The following VPS13A variants were observed in gnomAD, a reference collection of about 807,000 sequenced individuals.
VPS13A encodes the protein vacuolar protein sorting 13 homolog A.
VPS13A carries 264 observed loss-of-function variants against 390.9 expected under a neutral mutation model. That is an observed-to-expected ratio of 0.68 (90% CI 0.61 to 0.75). The LOEUF (loss-of-function observed/expected upper bound fraction) is 0.75, where lower values mean the gene tolerates loss of function less well. Ranked by LOEUF, VPS13A falls within the 30% of genes least tolerant of loss-of-function variation. The probability of loss-of-function intolerance (pLI) is 0.00; values close to 1 mark genes in which losing one functional copy is unlikely to be tolerated. For synonymous variants in VPS13A, 1,231 were observed against 1,227.1 expected, an observed-to-expected ratio of 1.00 and a Z score of -0.07; for missense variants, 3,409 against 3,733.9, an observed-to-expected ratio of 0.91 and a Z score of 2.27.
At chr9:77,336,737 C>A (rs547098246) in intron 46 of VPS13A, among the ~76,000 whole-genome samples, 1 of 149,826 alleles carries the variant, frequency 6.7e-6, no homozygotes, top group African/African-American at 2.4e-5. Context: ...GAAAAATATT[C>A]TCCTCTTAAA....
At chr9:77,399,186 A>AT (rs1563990823) in intron 68 of VPS13A, among the ~76,000 whole-genome samples, 4 of 118,462 alleles carry the variant, frequency 3.4e-5, no homozygotes, top group East Asian at 2.1e-4. Flanking sequence ...AAAAATAAAA[A>AT]AAAAAAAAAA....
At chr9:77,302,040 C>A (rs1027983990) in intron 33 of VPS13A, among the ~76,000 whole-genome samples, 2 of 151,914 alleles carry the variant, frequency 1.3e-5, no homozygotes, top group Admixed American at 6.6e-5. Context: ...TCAATGCAAC[C>A]TCCGCCTCCT....
At chr9:77,193,281 AC>A (rs1824790184) in intron 1 of VPS13A, among the ~76,000 whole-genome samples, 2 of 152,216 alleles carry the variant, frequency 1.3e-5, no homozygotes, top group Non-Finnish European at 2.9e-5. Flanking sequence ...TTGGGTTTCA[AC>A]TTTCTCCCGA....
At chr9:77,180,286 A>G (rs1823928785) in intron 1 of VPS13A, among the ~76,000 whole-genome samples, 1 of 152,268 alleles carries the variant, frequency 6.6e-6, no homozygotes, top group Non-Finnish European at 1.5e-5. Context: ...TTTGAGGAAC[A>G]GCCAAACTCT....
intron 22 of VPS13A, among the ~76,000 whole-genome samples, chr9:77,258,340 G>C (rs1184351560): frequency 6.6e-6 from 1 of 152,190 alleles, no homozygotes; most frequent in Non-Finnish European, 1.5e-5. Flanking sequence ...GAGGGAATTA[G>C]AGAGACTCTG....
intron 35 of VPS13A, among the ~76,000 whole-genome samples, chr9:77,310,959 T>C (rs1470979416): frequency 6.6e-6 from 1 of 151,762 alleles, no homozygotes; most frequent in Non-Finnish European, 1.5e-5. Context: ...AGAGTCTCGC[T>C]ATGTCACCCA....
chr9:77,200,959 TTGAA>T (rs1471025577), intron 2 of VPS13A, among the ~76,000 whole-genome samples: 9 of 152,278 alleles, frequency 5.9e-5, no homozygotes, highest in African/African-American at 1.7e-4. Flanking sequence ...AGGCTATTCT[TTGAA>T]TGGGGAGAAC....
chr9:77,260,031 C>T, intron 22 of VPS13A, 55 bp from the exon 23 acceptor site: 2 of 1,112,718 alleles, frequency 1.8e-6, no homozygotes, highest in Non-Finnish European at 1.3e-6. Context: ...TTAATTAGTG[C>T]ACTTAAATCA....
At chr9:77,207,211 TA>T (rs1825685430) in intron 5 of VPS13A, among the ~76,000 whole-genome samples, 1 of 32,550 alleles carries the variant, frequency 3.1e-5, no homozygotes, top group Non-Finnish European at 7.7e-5. Flanking sequence ...TTTATTTAGA[TA>T]TTATATATAT....
rs193026341 is a variant in VPS13A at position 77,337,682 on chromosome 9, A to T, written c.6378+145A>T. 65 of 766,212 alleles carry T rather than the reference A, an allele frequency of 8.5e-5. 1 individual carries two copies. In the East Asian group the frequency reaches 1.5e-3, roughly 18 times the overall value. The allele number at this position is 766,212 out of a possible 1,614,324, so 47.5% of individuals were successfully genotyped here. A position where few individuals can be genotyped will look rare whatever the true frequency, so the allele number is the denominator to read the frequency against. On this transcript the variant is annotated intron_variant, in intron 47 of 71. Coordinates refer to ENST00000360280, the MANE Select transcript of VPS13A (RefSeq NM_033305.3). ...TAGGTAATGCAGATATTCTTTTGCA[A>T]CAAGTATGAGAATTATTATTGAAAT... is the stretch of plus-strand genomic sequence containing the variant.
intron 34 of VPS13A, among the ~76,000 whole-genome samples, chr9:77,304,876 T>G (rs573098713): frequency 2.6e-5 from 4 of 152,254 alleles, no homozygotes; most frequent in African/African-American, 9.6e-5. Context: ...TCCCTTTCTA[T>G]TTCTTTCTGT....
At chr9:77,245,644 T>G (rs1237743062) in intron 19 of VPS13A, among the ~76,000 whole-genome samples, 1 of 152,172 alleles carries the variant, frequency 6.6e-6, no homozygotes, top group Admixed American at 6.5e-5. Context: ...CCAGGGTTTT[T>G]TCTTCCTCTC....
chr9:77,397,531 T>A (rs1488259965), intron 68 of VPS13A, among the ~76,000 whole-genome samples: 1 of 152,226 alleles, frequency 6.6e-6, no homozygotes, highest in Non-Finnish European at 1.5e-5. Context: ...TTTAATCTTT[T>A]CATATTTTGC....
chr9:77,220,171 G>A, intron 11 of VPS13A, 90 bp downstream of exon 11: 3 of 1,518,878 alleles, frequency 2.0e-6, no homozygotes, highest in Non-Finnish European at 2.7e-6. Context: ...AATTCATGAT[G>A]TTATATGGTA....
intron 21 of VPS13A, 107 bp from the exon 22 acceptor site, chr9:77,252,128 G>T: frequency 1.1e-6 from 1 of 910,480 alleles, no homozygotes; most frequent in East Asian, 2.5e-5. Context: ...ACCTAGATGT[G>T]GGGAAATTTC....
chr9:77,375,136 C>T (rs1832998399), intron 67 of VPS13A, among the ~76,000 whole-genome samples: 1 of 152,194 alleles, frequency 6.6e-6, no homozygotes, highest in Non-Finnish European at 1.5e-5. Context: ...CATATGAAGG[C>T]TTCTTTCAAA....
chr9:77,344,288 T>G lies in VPS13A; in HGVS notation c.7155+7T>G, dbSNP rs757105518. On this transcript the variant is annotated splice_region_variant and intron_variant, in intron 51 of 71. Transcript: ENST00000360280. ...ATTGCGTCTAGATAACGAGGTAAGT[T>G]TTTTTTTCTTTTTTGCATGTGTCAT... The G allele has an allele frequency of 1.2e-6, 2 of 1,612,638 alleles. No homozygotes were observed. The highest frequency in any genetic ancestry group is 2.7e-5 in the African/African-American group (2 of 74,836).
At chr9:77,384,494 C>G in intron 68 of VPS13A, 1 of 1,563,748 alleles carries the variant, frequency 6.4e-7, no homozygotes, top group Non-Finnish European at 8.8e-7. Flanking sequence ...TATTCTCACT[C>G]TTTGAACATT....
chr9:77,336,946 A>G (rs1003577417), intron 46 of VPS13A, among the ~76,000 whole-genome samples: 1 of 150,726 alleles, frequency 6.6e-6, no homozygotes, highest in Non-Finnish European at 1.5e-5. Context: ...ACAGGCGCCC[A>G]TCACCATGCC....
Sources: allele counts gnomAD v4.1 joint callset (sites outside exome capture counted in the v4.1 genomes callset), GRCh38; gene constraint gnomAD v4.1.1; transcripts MANE v1.5; gene names NCBI Gene and HGNC (gene_info 2026-07-23, HGNC 2026-07-21).